The following DST variants were observed in gnomAD, a reference collection of about 807,000 sequenced individuals.
DST encodes the protein bullous pemphigoid antigen.
Under a neutral mutation model 875.2 loss-of-function variants are expected in DST, and 253 were observed. The observed-to-expected ratio is 0.29, with a 90% CI of 0.26 to 0.32. The LOEUF is 0.32. Ranked by LOEUF, DST falls within the 10% of genes least tolerant of loss-of-function variation. DST has a pLI of 1.00. For missense variants in DST, 8,287 were observed against 9,111.6 expected, an observed-to-expected ratio of 0.91 and a Z score of 3.68; for synonymous variants, 3,124 against 3,197.1, an observed-to-expected ratio of 0.98 and a Z score of 0.77.
At chr6:56,779,724 T>C (rs532154952) in intron 4 of DST, among the ~76,000 whole-genome samples, 8 of 112,586 alleles carry the variant, frequency 7.1e-5, no homozygotes, top group Non-Finnish European at 1.8e-4. Context: ...TCCTTATTCT[T>C]TTTTTTTTTT....
At chr6:56,689,056 T>C (rs1187201517) in intron 9 of DST, among the ~76,000 whole-genome samples, 2 of 152,160 alleles carry the variant, frequency 1.3e-5, no homozygotes, top group South Asian at 2.1e-4. Context: ...TACCACTCAT[T>C]GTTAAGTGAG....
At chr6:56,633,875 G>A (rs538815696) in intron 27 of DST, among the ~76,000 whole-genome samples, 13 of 152,286 alleles carry the variant, frequency 8.5e-5, no homozygotes, top group South Asian at 8.3e-4. Flanking sequence ...ACCCATCATC[G>A]TATATCCAAC....
chr6:56,508,872 A>T, intron 74 of DST, 117 bp from the exon 75 acceptor site: 1 of 809,610 alleles, frequency 1.2e-6, no homozygotes, highest in Non-Finnish European at 1.9e-6. Flanking sequence ...CTAAAACTGG[A>T]CCAAGTTTTG....
At chr6:56,674,743 C>T (rs964036578) in intron 9 of DST, among the ~76,000 whole-genome samples, 8 of 152,142 alleles carry the variant, frequency 5.3e-5, no homozygotes, top group African/African-American at 1.9e-4. Flanking sequence ...ACTGAAAACA[C>T]TGATGAAAGA....
chr6:56,856,486 A>G (rs1045601006), intron 3 of DST, among the ~76,000 whole-genome samples: 1 of 152,226 alleles, frequency 6.6e-6, no homozygotes, highest in African/African-American at 2.4e-5. Flanking sequence ...TCACCAAAAA[A>G]AACCCAAAAA....
At chr6:56,611,646 C>T (rs1350516895) in intron 37 of DST, 50 bp from the exon 38 acceptor site, 1 of 1,274,492 alleles carries the variant, frequency 7.8e-7, no homozygotes, top group Non-Finnish European at 1.1e-6. Flanking sequence ...AAGGAGTAAA[C>T]AGTATTTTTT....
intron 69 of DST, among the ~76,000 whole-genome samples, chr6:56,522,301 G>T (rs1202550519): frequency 6.6e-6 from 1 of 152,104 alleles, no homozygotes; most frequent in Admixed American, 6.6e-5. Flanking sequence ...GACTACTCAG[G>T]TAGTAAATGC....
chr6:56,468,987 T>A lies in DST; in HGVS notation c.22564A>T (p.Asn7522Tyr). 6.3e-7 allele frequency: 1 copy of A among 1,579,550 alleles called. No homozygotes were observed. The highest frequency in any genetic ancestry group is 8.6e-7 in the Non-Finnish European group (1 of 1,160,988). Residue 7522 changes from asparagine to tyrosine, a missense_variant, in exon 98 of 104, where the codon AAT (asparagine) becomes TAT (tyrosine). Physicochemically the swap from Asn to Tyr is moderately radical, Grantham distance 143. Transcript: ENST00000680361. ...TACATTCCACTGGTTTATACCTGAT[T>A]TCCCAGGAAGAACTGATAAAAATGA... ...GDNKYRFFLG[N>Y]QFGDSQQLRL...
At chr6:56,813,691 A>T (rs1003248856) in intron 4 of DST, among the ~76,000 whole-genome samples, 2 of 152,228 alleles carry the variant, frequency 1.3e-5, no homozygotes, top group Non-Finnish European at 2.9e-5. Context: ...TCAGAAAAAC[A>T]GTTCTTAATG....
intron 3 of DST, among the ~76,000 whole-genome samples, chr6:56,875,720 TG>T (rs898592914): frequency 2.6e-5 from 4 of 152,192 alleles, no homozygotes; most frequent in African/African-American, 9.7e-5. Context: ...GGGCTGTCTG[TG>T]GCTACCCCTG....
chr6:56,626,877 C>G lies in DST; in HGVS notation c.4722+327G>C, dbSNP rs530228620. Among the ~76,000 whole-genome samples the G allele has an allele frequency of 7.3e-4, 111 of 152,110 alleles. 3 individuals are homozygous for G. In the South Asian group the frequency reaches 0.022, roughly 31 times the overall value. ...CTTGAAAAGCATGAAAAGTGTCCCC[C>G]TAAGTGAGAAAGTTAGAAGCTCTCC... On this transcript the variant is annotated intron_variant, in intron 34 of 103. Transcript: ENST00000680361.
Position 56,634,269 on chromosome 6 carries a change from T to A in DST, c.3495-11A>T, listed in dbSNP as rs1414659344. ...TACTGTTGCTCAATTCTGAAATACA[T>A]GAAAGAGAACTCAGATTAATGTTTT... On this transcript the variant is annotated splice_polypyrimidine_tract_variant and intron_variant, in intron 26 of 103. Coordinates refer to ENST00000680361, the MANE Select transcript of DST (RefSeq NM_001374736.1). The A allele has an allele frequency of 1.2e-6, 2 of 1,613,782 alleles. No homozygotes were observed. Among genetic ancestry groups the A allele is most frequent in the Admixed American group, 1.7e-5 (1 of 60,030 alleles).
chr6:56,656,460 T>C (rs1253319956), intron 10 of DST, among the ~76,000 whole-genome samples: 2 of 152,208 alleles, frequency 1.3e-5, no homozygotes, highest in African/African-American at 2.4e-5. Flanking sequence ...CAGGGACTAA[T>C]AAATACTGAT....
At chr6:56,788,961 G>T (rs968833096) in intron 4 of DST, among the ~76,000 whole-genome samples, 11 of 152,146 alleles carry the variant, frequency 7.2e-5, no homozygotes, top group Non-Finnish European at 1.0e-4. Flanking sequence ...CTGCAGAAAG[G>T]TTGTATGATT....
rs148013834 is a variant in DST, at chr6:56,767,614, CAAATAAAT to C, written c.626-32333_626-32326del. On this transcript the variant is annotated intron_variant, in intron 4 of 103. Coordinates refer to ENST00000680361, the MANE Select transcript of DST (RefSeq NM_001374736.1). Reference sequence around the variant, plus strand: ...TGGGTGACAGAGCAAGACCCTGTCTCAAATAAATAAATAAATAAATAAATAAATAAATA... The same window carrying C: ...TGGGTGACAGAGCAAGACCCTGTCTCAAATAAATAAATAAATAAATAAATA... Among the ~76,000 whole-genome samples, 1,394 of 142,354 alleles carry C rather than the reference CAAATAAAT, an allele frequency of 9.8e-3. 12 individuals carry two copies. Among genetic ancestry groups the C allele is most frequent in the Middle Eastern group, 0.032 (9 of 282 alleles). 93.4% of individuals were successfully genotyped at this position (142,354 alleles called of 152,430 possible).
chr6:56,953,601 T>A (rs1471451641), intron 2 of DST, among the ~76,000 whole-genome samples, 184 bp downstream of exon 2: 2 of 152,176 alleles, frequency 1.3e-5, no homozygotes, highest in Non-Finnish European at 2.9e-5. Flanking sequence ...CACAAGAAAT[T>A]TGCTAAAACC....
chr6:56,843,719 TG>T, intron 4 of DST: 1 of 152,110 alleles, frequency 6.6e-6, no homozygotes, highest in Non-Finnish European at 8.1e-6. Flanking sequence ...GGGTGGAGGG[TG>T]GAGGGTGGAG....
chr6:56,631,911 T>C lies in DST; in HGVS notation c.3935A>G (p.Glu1312Gly). ...RTPLERDDLHESVFRITEQEK... is the reference protein window; with the variant it reads ...RTPLERDDLHGSVFRITEQEK... ...CTGTTCTGTGATTCTGAACACACTT[T>C]CATGCAAATCATCTCTTTCCAGGGG... Residue 1312 changes from glutamate to glycine, a missense_variant, in exon 29 of 104, where the codon GAA (glutamate) becomes GGA (glycine). Around this residue, in one of 10 missense-constraint regions of DST, gnomAD observed 3,138 missense variants for 3,116.6 expected, o/e 1.01. Transcript: ENST00000680361. 2 of 1,614,080 alleles carry C rather than the reference T, an allele frequency of 1.2e-6. No homozygotes were observed. The highest frequency in any genetic ancestry group is 1.7e-6 in the Non-Finnish European group (2 of 1,179,964).
At chr6:56,892,876 T>A (rs1788256394) in intron 3 of DST, among the ~76,000 whole-genome samples, 1 of 152,190 alleles carries the variant, frequency 6.6e-6, no homozygotes, top group African/African-American at 2.4e-5. Flanking sequence ...CTCAAAGAAT[T>A]CATGGTCTAG....
Sources: allele counts gnomAD v4.1 joint callset (sites outside exome capture counted in the v4.1 genomes callset), GRCh38; gene constraint gnomAD v4.1.1; regional missense constraint gnomAD v4.1.1; transcripts MANE v1.5; gene names NCBI Gene and HGNC (gene_info 2026-07-23, HGNC 2026-07-21).